The following GRIN2B variants were observed in gnomAD, a reference collection of about 807,000 sequenced individuals.
GRIN2B encodes the protein glutamate receptor ionotropic, NMDA 2B.
In GRIN2B, 5 loss-of-function variants were observed where a neutral mutation model predicts 114.5. The ratio of observed to expected loss-of-function variants is 0.04; its 90% CI spans 0.02 to 0.09. The LOEUF (loss-of-function observed/expected upper bound fraction) is 0.09, where lower values mean the gene tolerates loss of function less well. Ranked by LOEUF, GRIN2B falls within the 10% of genes least tolerant of loss-of-function variation. The probability of loss-of-function intolerance (pLI) is 1.00; values close to 1 mark genes in which losing one functional copy is unlikely to be tolerated. For missense variants in GRIN2B, 1,108 were observed against 1,943.5 expected, an observed-to-expected ratio of 0.57 and a Z score of 8.08; for synonymous variants, 787 against 745.1, an observed-to-expected ratio of 1.06 and a Z score of -0.92.
chr12:13,883,502 G>T (rs919272115), intron 2 of GRIN2B, among the ~76,000 whole-genome samples: 1 of 151,386 alleles, frequency 6.6e-6, no homozygotes, highest in African/African-American at 2.4e-5. Flanking sequence ...ATTTTACTTG[G>T]TGTTCAGTGG....
rs2136390234 is a variant in GRIN2B, at chr12:13,552,419, T to A, written c.*10364A>T. ...TGTGCCTCACATGTCAGCTTCTGGC[T>A]TTATTGGTGACACAAAAGGAAGCTC... On this transcript the variant is annotated 3_prime_UTR_variant, in exon 14 of 14. Coordinates refer to ENST00000609686, the MANE Select transcript of GRIN2B (RefSeq NM_000834.5). 6.6e-6 allele frequency: 1 copy of A among 152,326 alleles called. No individual in the cohort carries two copies. Among genetic ancestry groups the A allele is most frequent in the African/African-American group, 2.4e-5 (1 of 41,574 alleles). The allele number at this position is 152,326 out of a possible 1,614,324, so 9.4% of individuals were successfully genotyped here. A position where few individuals can be genotyped will look rare whatever the true frequency, so the allele number is the denominator to read the frequency against.
intron 10 of GRIN2B, among the ~76,000 whole-genome samples, chr12:13,580,815 G>T (rs1257312583): frequency 6.6e-6 from 1 of 152,078 alleles, no homozygotes; most frequent in Non-Finnish European, 1.5e-5. Flanking sequence ...AAGCTCCCTG[G>T]TGCCACTCCT....
intron 2 of GRIN2B, among the ~76,000 whole-genome samples, chr12:13,885,281 A>G (rs113892631): frequency 6.6e-6 from 1 of 152,342 alleles, no homozygotes; most frequent in Admixed American, 6.5e-5. Context: ...TCCTATAGAC[A>G]ATGAAAGACA....
intron 3 of GRIN2B, among the ~76,000 whole-genome samples, chr12:13,825,728 G>A (rs545472613): frequency 1.3e-5 from 2 of 151,930 alleles, no homozygotes; most frequent in Admixed American, 6.6e-5. Flanking sequence ...CATTGGCCAG[G>A]TTGGTCTCCA....
chr12:13,569,713 T>C (rs1002222850), intron 12 of GRIN2B, 117 bp downstream of exon 12: 12 of 702,716 alleles, frequency 1.7e-5, no homozygotes, highest in Admixed American at 2.7e-5. Flanking sequence ...CACAATATAC[T>C]GTGAAATGCT....
intron 2 of GRIN2B, among the ~76,000 whole-genome samples, chr12:13,868,961 C>A (rs574167740): frequency 3.5e-4 from 54 of 152,300 alleles, no homozygotes; most frequent in Middle Eastern, 6.8e-3. Flanking sequence ...CCAAGATAAG[C>A]AGAGTGGCTT....
Position 13,563,368 on chromosome 12 carries a change from G to T in GRIN2B, c.3870C>A (p.Ala1290=). 3 of 1,614,182 alleles carry T rather than the reference G, an allele frequency of 1.9e-6. No individual in the cohort carries two copies. Among genetic ancestry groups the T allele is most frequent in the Non-Finnish European group, 2.5e-6 (3 of 1,180,044 alleles). ...GCAGTTTGTTCCGGTTCTTCTTCTG[G>T]GCCTTGGAATTAGTCGGGCTCTGAG... ...KYPQSPTNSK[A]QKKNRNKLRR... is the part of the protein sequence containing the mutation. Residue 1290 remains alanine (A), a synonymous_variant, in exon 14 of 14, where the codon GCC becomes GCA. Coordinates refer to ENST00000609686, the MANE Select transcript of GRIN2B (RefSeq NM_000834.5).
chr12:13,727,268 T>C (rs1863006274), intron 4 of GRIN2B, among the ~76,000 whole-genome samples: 1 of 152,168 alleles, frequency 6.6e-6, no homozygotes, highest in Non-Finnish European at 1.5e-5. Flanking sequence ...TCTTCTGATT[T>C]CCAGTTTAAT....
chr12:13,782,194 G>A (rs527658329), intron 3 of GRIN2B, among the ~76,000 whole-genome samples: 1 of 152,142 alleles, frequency 6.6e-6, no homozygotes, highest in Non-Finnish European at 1.5e-5. Flanking sequence ...TCAGTCAGCA[G>A]GAAGGCTACA....
At chr12:13,624,580 T>G (rs1463746270) in intron 5 of GRIN2B, among the ~76,000 whole-genome samples, 1 of 152,232 alleles carries the variant, frequency 6.6e-6, no homozygotes, top group African/African-American at 2.4e-5. Context: ...AAAAGTGTGC[T>G]TGGAAATAAT....
intron 5 of GRIN2B, among the ~76,000 whole-genome samples, chr12:13,626,653 G>T (rs1949569999): frequency 6.6e-6 from 1 of 152,054 alleles, no homozygotes; most frequent in South Asian, 2.1e-4. Context: ...CATAGACTTT[G>T]AAGTCAGAAA....
At chr12:13,966,425 T>C (rs1436740029) in intron 2 of GRIN2B, among the ~76,000 whole-genome samples, 1 of 152,250 alleles carries the variant, frequency 6.6e-6, no homozygotes, top group Non-Finnish European at 1.5e-5. Context: ...CAGTTCATGG[T>C]GACTTTGTCC....
At chr12:13,687,294 T>A (rs1374913043) in intron 4 of GRIN2B, among the ~76,000 whole-genome samples, 3 of 152,230 alleles carry the variant, frequency 2.0e-5, no homozygotes, top group Non-Finnish European at 2.9e-5. Context: ...ACTCCCAGTT[T>A]TTTTTAGCAA....
At chr12:13,827,430 A>G (rs979326297) in intron 3 of GRIN2B, among the ~76,000 whole-genome samples, 5 of 151,674 alleles carry the variant, frequency 3.3e-5, no homozygotes, top group African/African-American at 1.2e-4. Context: ...ACTGATAGAT[A>G]ATTTCCTATG....
chr12:13,577,844 CAG>C (rs1389172717), intron 10 of GRIN2B, among the ~76,000 whole-genome samples: 7 of 152,186 alleles, frequency 4.6e-5, no homozygotes, highest in African/African-American at 1.4e-4. Context: ...GTTTGCATTA[CAG>C]AGAGTCAGAA....
intron 5 of GRIN2B, among the ~76,000 whole-genome samples, chr12:13,635,869 C>T (rs561097016): frequency 4.6e-5 from 7 of 152,192 alleles, no homozygotes; most frequent in South Asian, 2.1e-4. Context: ...GTTCTTCTTT[C>T]GTTTATTCAG....
At chr12:13,891,310 T>A (rs1047144132) in intron 2 of GRIN2B, among the ~76,000 whole-genome samples, 2 of 151,988 alleles carry the variant, frequency 1.3e-5, no homozygotes, top group African/African-American at 2.4e-5. Flanking sequence ...CTTCCTTGCA[T>A]CCCCCTGCAC....
chr12:13,892,098 G>A (rs887631256), intron 2 of GRIN2B, among the ~76,000 whole-genome samples: 2 of 152,130 alleles, frequency 1.3e-5, no homozygotes, highest in South Asian at 2.1e-4. Flanking sequence ...AATAAATGAC[G>A]GAGGCTAAAT....
intron 2 of GRIN2B, among the ~76,000 whole-genome samples, chr12:13,949,618 AG>A (rs1418196406): frequency 6.6e-6 from 1 of 152,194 alleles, no homozygotes; most frequent in East Asian, 1.9e-4. Flanking sequence ...CCTCTACAGG[AG>A]GGTGTCAGGT....
Sources: allele counts gnomAD v4.1 joint callset (sites outside exome capture counted in the v4.1 genomes callset), GRCh38; gene constraint gnomAD v4.1.1; transcripts MANE v1.5; gene names NCBI Gene and HGNC (gene_info 2026-07-23, HGNC 2026-07-21).